Variants in PRKN observed in about 807,000 individuals in gnomAD.
PRKN encodes E3 ubiquitin-protein ligase parkin.
PRKN carries 56 observed loss-of-function variants against 59.5 expected under a neutral mutation model. The ratio of observed to expected loss-of-function variants is 0.94; its 90% CI spans 0.76 to 1.18. PRKN has a LOEUF of 1.18. Among genes scored for constraint, PRKN ranks in the 50% most tolerant of loss-of-function variants. PRKN has a pLI of 0.00. For missense variants in PRKN, 657 were observed against 596.4 expected (o/e 1.10, Z -1.06); for synonymous variants, 250 against 222.1 (o/e 1.13, Z -1.12).
chr6:161,902,494 G>A (rs567864652), intron 6 of PRKN, among the ~76,000 whole-genome samples: 1 of 150,234 alleles, frequency 6.7e-6, no homozygotes, highest in Non-Finnish European at 1.5e-5. Flanking sequence ...TAGAGTCACT[G>A]GTGTGTGTGT....
chr6:162,249,924 C>T (rs1779353527), intron 3 of PRKN, among the ~76,000 whole-genome samples: 1 of 152,066 alleles, frequency 6.6e-6, no homozygotes, highest in African/African-American at 2.4e-5. Context: ...GCAGAGGGAT[C>T]ACCTTGAAGT....
chr6:162,170,890 T>C (rs897750932), intron 4 of PRKN, among the ~76,000 whole-genome samples: 5 of 151,666 alleles, frequency 3.3e-5, no homozygotes, highest in African/African-American at 1.2e-4. Flanking sequence ...AAAGTTCATA[T>C]TCAATAAATT....
intron 3 of PRKN, among the ~76,000 whole-genome samples, chr6:162,235,947 A>AAAGAAAGAAAGAAAG (rs1778652433): frequency 1.1e-5 from 1 of 92,504 alleles, no homozygotes; most frequent in African/African-American, 5.6e-5. Context: ...GGAAGGAAGG[A>AAAGAAAGAAAGAAAG]AGGAAGAAAG....
At chr6:162,384,664 A>AAAC (rs1554311195) in intron 2 of PRKN, among the ~76,000 whole-genome samples, 194 of 122,044 alleles carry the variant, frequency 1.6e-3, no homozygotes, top group African/African-American at 5.4e-3. Flanking sequence ...AAAAAAAAAC[A>AAAC]AAAAAAAAAA....
Position 161,885,666 on chromosome 6 carries a change from A to G in PRKN, c.734+87636T>C, listed in dbSNP as rs1261613707. Among the ~76,000 whole-genome samples, 243 of 52,480 alleles carry G rather than the reference A, an allele frequency of 4.6e-3. 1 individual carries two copies. Among genetic ancestry groups the G allele is most frequent in the African/African-American group, 0.019 (218 of 11,540 alleles). The allele number at this position is 52,480 out of a possible 152,430, so 34.4% of individuals were successfully genotyped here. A position where few individuals can be genotyped will look rare whatever the true frequency, so the allele number is the denominator to read the frequency against. On this transcript the variant is annotated intron_variant, in intron 6 of 11. Transcript: ENST00000366898. ...GGTGACAGAGCGAGACTCTGTCTCA[A>G]AAAAAAAAAAAAAAAAAGAATGTCT...
At chr6:161,408,082 A>C (rs1449832387) in intron 9 of PRKN, among the ~76,000 whole-genome samples, 1 of 152,178 alleles carries the variant, frequency 6.6e-6, no homozygotes, top group Non-Finnish European at 1.5e-5. Context: ...CAGGCTTGAC[A>C]AAAGCTTTAA....
intron 1 of PRKN, among the ~76,000 whole-genome samples, chr6:162,525,891 T>C (rs1274293972): frequency 1.3e-5 from 2 of 152,136 alleles, no homozygotes; most frequent in African/African-American, 4.8e-5. Flanking sequence ...TCTCACTCCA[T>C]TGCCCAGGCT....
chr6:161,989,401 T>C (rs892256645), intron 5 of PRKN, among the ~76,000 whole-genome samples: 2 of 151,874 alleles, frequency 1.3e-5, no homozygotes, highest in Non-Finnish European at 2.9e-5. Context: ...GGATATACCA[T>C]CAACTGGGAG....
chr6:162,422,038 T>C (rs1048016431), intron 2 of PRKN, among the ~76,000 whole-genome samples: 1 of 152,182 alleles, frequency 6.6e-6, no homozygotes, highest in African/African-American at 2.4e-5. Context: ...GGACCCACAA[T>C]TTGAGCTGAG....
chr6:161,599,430 A>G (rs2128143026), intron 7 of PRKN, among the ~76,000 whole-genome samples: 1 of 152,322 alleles, frequency 6.6e-6, no homozygotes, highest in Non-Finnish European at 1.5e-5. Context: ...TGCAATTGCC[A>G]CTTAACCTAA....
At chr6:162,558,680 T>C (rs991306657) in intron 1 of PRKN, among the ~76,000 whole-genome samples, 9 of 150,782 alleles carry the variant, frequency 6.0e-5, no homozygotes, top group African/African-American at 2.2e-4. Context: ...ATTCTATCAC[T>C]CAGGCTGGAG....
chr6:162,623,376 A>C (rs1782757225), intron 1 of PRKN, among the ~76,000 whole-genome samples: 1 of 152,178 alleles, frequency 6.6e-6, no homozygotes, highest in Non-Finnish European at 1.5e-5. Context: ...TGTTGCTATT[A>C]TCTGCACACA....
At chr6:161,733,770 GAAAAAA>G (rs71544915) in intron 7 of PRKN, among the ~76,000 whole-genome samples, 1,522 of 102,408 alleles carry the variant, frequency 0.015, 75 homozygotes, top group African/African-American at 0.063. Flanking sequence ...CCCAGGGGGT[GAAAAAA>G]AAAAAAAATA....
At chr6:161,933,502 T>C (rs1779242809) in intron 6 of PRKN, among the ~76,000 whole-genome samples, 1 of 152,260 alleles carries the variant, frequency 6.6e-6, no homozygotes, top group Admixed American at 6.5e-5. Flanking sequence ...TTTAATCTCT[T>C]CTGGTCATAT....
intron 5 of PRKN, among the ~76,000 whole-genome samples, chr6:162,019,252 C>T (rs1783042195): frequency 1.3e-5 from 2 of 152,286 alleles, no homozygotes; most frequent in South Asian, 4.1e-4. Flanking sequence ...CTTCCTCATT[C>T]ACCTTTCCAT....
chr6:162,302,959 A>AATAT (rs1782027072), intron 2 of PRKN, among the ~76,000 whole-genome samples: 1 of 48,214 alleles, frequency 2.1e-5, no homozygotes, highest in African/African-American at 5.5e-5. Flanking sequence ...ATATGCCTTA[A>AATAT]ACATACACAC....
At chr6:162,330,395 T>C (rs1024061132) in intron 2 of PRKN, among the ~76,000 whole-genome samples, 2 of 152,190 alleles carry the variant, frequency 1.3e-5, no homozygotes, top group Non-Finnish European at 2.9e-5. Context: ...AAAATTTTAT[T>C]CTATCTGGTA....
chr6:161,483,642 T>C lies in PRKN; in HGVS notation c.1083+65212A>G, dbSNP rs543493259. 1.6e-4 allele frequency among the ~76,000 whole-genome samples: 25 copies of C among 152,268 alleles called. No homozygotes were observed. Among genetic ancestry groups the C allele is most frequent in the African/African-American group, 5.8e-4 (24 of 41,562 alleles). ...CTACATTAATGCCCCTCATCCCCAA[T>C]AGAGAGCACATTGGTAGCTCAAATA... On this transcript the variant is annotated intron_variant, in intron 9 of 11. Transcript: ENST00000366898. This position sits in a 1 kb window ranked among gnomAD's most constrained non-coding sequence, Gnocchi z 5.0.
chr6:162,472,551 A>G (rs2128178871), intron 1 of PRKN, among the ~76,000 whole-genome samples: 1 of 125,558 alleles, frequency 8.0e-6, no homozygotes, highest in East Asian at 2.7e-4. Context: ...GCAGTGGCGC[A>G]ATCTCGGCTC....
Sources: allele counts gnomAD v4.1 joint callset (sites outside exome capture counted in the v4.1 genomes callset), GRCh38; gene constraint gnomAD v4.1.1; non-coding constraint Gnocchi (gnomAD v3.1); transcripts MANE v1.5; gene names NCBI Gene and HGNC (gene_info 2026-07-23, HGNC 2026-07-21).